Variants in ARHGEF40 observed in about 807,000 individuals in gnomAD.
ARHGEF40 encodes the protein Rho guanine nucleotide exchange factor (GEF) 40.
A neutral mutation model predicts 165.9 loss-of-function variants in ARHGEF40; 98 were observed. The observed-to-expected ratio is 0.59, with a 90% CI of 0.50 to 0.70. ARHGEF40 has a LOEUF of 0.70. ARHGEF40 is among the 30% of genes least tolerant of loss of function. The probability of loss-of-function intolerance (pLI) is 0.00; values close to 1 mark genes in which losing one functional copy is unlikely to be tolerated. For synonymous variants in ARHGEF40, 792 were observed against 814.3 expected (o/e 0.97, Z 0.47); for missense variants, 1,815 against 1,968.0 (o/e 0.92, Z 1.47).
chr14:21,062,400 C>G, the ARHGEF40 span, among the ~76,000 whole-genome samples: 1 of 152,178 alleles, frequency 6.6e-6, no homozygotes, highest in Non-Finnish European at 1.5e-5. Context: ...GAACCTGGAC[C>G]TCTGTCTCTC....
At position 21,072,162 on chromosome 14, in the gene ARHGEF40, G is replaced by C. The variant is rs1886989086; in HGVS notation, c.4-883G>C. 1.3e-5 allele frequency among the ~76,000 whole-genome samples: 2 copies of C among 152,196 alleles called. No individual in the cohort carries two copies. The highest frequency in any genetic ancestry group is 2.9e-5 in the Non-Finnish European group (2 of 68,038). Reference sequence around the variant, plus strand: ...GGGTGGTTGTTTAGGTTAGGAGTTGGAGAAAGACGTCTCATTGACTCACTT... The same window carrying C: ...GGGTGGTTGTTTAGGTTAGGAGTTGCAGAAAGACGTCTCATTGACTCACTT... On this transcript the variant is annotated intron_variant, in intron 1 of 23. Coordinates refer to ENST00000298694, the MANE Select transcript of ARHGEF40 (RefSeq NM_018071.5). The surrounding 1 kb of genome is among the most constrained non-coding windows in gnomAD (Gnocchi z 4.1).
In ARHGEF40 at chr14:21,073,937, A is replaced by G. The variant is rs375010957; in HGVS notation, c.207A>G (p.Gln69=). The change falls in exon 3 of 24, where the codon CAA becomes CAG. Residue 69 remains glutamine, a synonymous_variant. Coordinates refer to ENST00000298694, the MANE Select transcript of ARHGEF40 (RefSeq NM_018071.5). The surrounding 1 kb of genome is among the most constrained non-coding windows in gnomAD (Gnocchi z 4.6). ...CCTCCCACCTCTCTCCCCAGGCCCA[A>G]TACAGTGGATTCCTCTTCTTCCATG... is the stretch of plus-strand genomic sequence containing the variant. ...LAKVQQEACA[Q]YSGFLFFHEG... is the part of the protein sequence containing the mutation. The G allele has an allele frequency of 3.1e-6, 5 of 1,598,528 alleles. No homozygotes were observed. Among genetic ancestry groups the G allele is most frequent in the African/African-American group, 2.7e-5 (2 of 74,656 alleles).
intron 13 of ARHGEF40, 71 bp downstream of exon 13, chr14:21,081,087 C>T: frequency 1.9e-6 from 3 of 1,539,820 alleles, no homozygotes; most frequent in Non-Finnish European, 2.6e-6. Flanking sequence ...CCTGGAGAGG[C>T]TAATCAAGTT....
chr14:21,076,853 G>A lies in ARHGEF40; in HGVS notation c.1997G>A (p.Arg666Lys), dbSNP rs1838984671. 6.2e-7 allele frequency: 1 copy of A among 1,613,678 alleles called. No homozygotes were observed. Among genetic ancestry groups the A allele is most frequent in the Non-Finnish European group, 8.5e-7 (1 of 1,179,996 alleles). Residue 666 changes from arginine to lysine, a missense_variant, in exon 8 of 24, where the codon AGG (arginine) becomes AAG (lysine). Transcript: ENST00000298694. The part of the protein sequence containing the change: ...EELQWELGGH[R>K]DPSPSHWVEI... ...CTGCAGTGGGAGTTAGGAGGTCACA[G>A]GGACCCCTCTCCCAGTCACTGGGTA...
chr14:21,087,384 CCTTTCGCCGG>C lies in ARHGEF40; in HGVS notation c.4309_4318del (p.Leu1437GlufsTer62), dbSNP rs771729016. 5 of 1,603,864 alleles carry C rather than the reference CCTTTCGCCGG, an allele frequency of 3.1e-6. No individual in the cohort carries two copies. Among genetic ancestry groups the C allele is most frequent in the Non-Finnish European group, 4.2e-6 (5 of 1,179,872 alleles). On this transcript the variant is annotated frameshift_variant, in exon 21 of 24. Coordinates refer to ENST00000298694, the MANE Select transcript of ARHGEF40 (RefSeq NM_018071.5). LOFTEE classifies it high-confidence loss of function. ...AGCATGCCGGCCCCTCCCTTCCCGG[CCTTTCGCCGG>C]GAGCCTGCTCCCTGCCTGCCCGCGT...
Position 21,087,021 on chromosome 14 carries a change from G to A in ARHGEF40, c.4159G>A (p.Val1387Met), listed in dbSNP as rs775174092. Residue 1387 changes from valine to methionine, a missense_variant, in exon 20 of 24, where the codon GTG becomes ATG. By Grantham distance (21) the Val-to-Met change is conservative. Transcript: ENST00000298694. ...CCCAGAGCTCCGAGTGCAGCAGATG[G>A]TGTCCATGGGCATTGGGAATAAACC... ...HNKELRVQQM[V>M]SMGIGNKPFL... 2.2e-5 allele frequency: 36 copies of A among 1,601,702 alleles called. 1 individual carries two copies. The South Asian group carries it at 3.9e-4, about 18-fold the overall frequency.
At position 21,073,886 on chromosome 14, in the gene ARHGEF40, T is replaced by G; in HGVS notation, c.202-46T>G. The G allele has an allele frequency of 6.4e-7, 1 of 1,550,746 alleles. No individual in the cohort carries two copies. The highest frequency in any genetic ancestry group is 8.7e-7 in the Non-Finnish European group (1 of 1,152,892). ...CATTCTAACTGCCCTCTCCTGCTGG[T>G]TTCTTCAGCAGAGGCCTGAGTGCAG... On this transcript the variant is annotated intron_variant, in intron 2 of 23. Transcript: ENST00000298694. The surrounding 1 kb of genome is among the most constrained non-coding windows in gnomAD (Gnocchi z 4.6).
rs780384623 is a variant in ARHGEF40 at position 21,081,545 on chromosome 14, G to A, written c.2677G>A (p.Ala893Thr). 6.2e-7 allele frequency: 1 copy of A among 1,613,102 alleles called. No homozygotes were observed. The highest frequency in any genetic ancestry group is 2.2e-5 in the East Asian group (1 of 44,888). The part of the protein sequence containing the change: ...EWVDEGFARL[A>T]GAGPGREAVL... Reference sequence around the variant, plus strand: ...GGTGGATGAGGGCTTTGCTCGGCTGGCAGGAGCTGGGCCGGGTCGGGAGGC... The same window carrying A: ...GGTGGATGAGGGCTTTGCTCGGCTGACAGGAGCTGGGCCGGGTCGGGAGGC... Residue 893 changes from alanine (A) to threonine (T), a missense_variant, in exon 14 of 24, where the codon GCA becomes ACA. Coordinates refer to ENST00000298694, the MANE Select transcript of ARHGEF40 (RefSeq NM_018071.5).
At chr14:21,069,002 G>C (rs1438600333), upstream of ARHGEF40, among the ~76,000 whole-genome samples, 1 of 152,254 alleles carries the variant, frequency 6.6e-6, no homozygotes, top group African/African-American at 2.4e-5. Flanking sequence ...GGCGAGGCCA[G>C]ACGTTTTCTC....
chr14:21,072,854 G>T lies in ARHGEF40; in HGVS notation c.4-191G>T, dbSNP rs984175842. ...AGCGGGAGTGTTGAGCGCCCTGCCAGGTTTGTGCACTCTGGCCCAGCCCCA... is the reference window on the plus strand; with the variant it reads ...AGCGGGAGTGTTGAGCGCCCTGCCATGTTTGTGCACTCTGGCCCAGCCCCA... On this transcript the variant is annotated intron_variant, in intron 1 of 23. Coordinates refer to ENST00000298694, the MANE Select transcript of ARHGEF40 (RefSeq NM_018071.5). This position sits in a 1 kb window ranked among gnomAD's most constrained non-coding sequence, Gnocchi z 4.1. 6.6e-6 allele frequency among the ~76,000 whole-genome samples: 1 copy of T among 152,218 alleles called. No homozygotes were observed.
chr14:21,081,698 C>G lies in ARHGEF40; in HGVS notation c.2830C>G (p.Arg944Gly). ...ALREWGRCQARCQELERRIQQ... is the reference protein window; with the variant it reads ...ALREWGRCQAGCQELERRIQQ... Reference sequence around the variant, plus strand: ...GCGAGAATGGGGCCGCTGCCAGGCCCGCTGCCAAGAGCTAGAGAGGAGGAT... The same window carrying G: ...GCGAGAATGGGGCCGCTGCCAGGCCGGCTGCCAAGAGCTAGAGAGGAGGAT... The change falls in exon 14 of 24, where the codon CGC (arginine) becomes GGC (glycine). Residue 944 changes from arginine to glycine, a missense_variant. By Grantham distance (125) the Arg-to-Gly change is moderately radical (BLOSUM62 -2). Transcript: ENST00000298694. The G allele has an allele frequency of 6.3e-7, 1 of 1,582,348 alleles. No individual in the cohort carries two copies. Among genetic ancestry groups the G allele is most frequent in the Non-Finnish European group, 8.6e-7 (1 of 1,164,606 alleles).
intron 8 of ARHGEF40, 152 bp downstream of exon 8, chr14:21,077,042 A>G (rs1247403038): frequency 4.9e-6 from 3 of 615,408 alleles, no homozygotes; most frequent in African/African-American, 3.7e-5. Context: ...ATGGCTCCCA[A>G]ATCATGAGGA....
At position 21,088,033 on chromosome 14, in the gene ARHGEF40, C is replaced by T. The variant is rs774587341; in HGVS notation, c.4453C>T (p.Pro1485Ser). The T allele has an allele frequency of 1.9e-6, 3 of 1,613,424 alleles. No homozygotes were observed. Among genetic ancestry groups the T allele is most frequent in the Non-Finnish European group, 2.5e-6 (3 of 1,179,736 alleles). Residue 1485 changes from proline (P) to serine (S), a missense_variant, in exon 22 of 24, where the codon CCC (proline) becomes TCC (serine). Physicochemically the swap from Pro to Ser is moderately conservative, Grantham distance 74. Coordinates refer to ENST00000298694, the MANE Select transcript of ARHGEF40 (RefSeq NM_018071.5). ...PGPRNSPSLQ[P>S]PHPGSSTPTL... ...ACCAAGAAACAGCCCCAGCCTGCAA[C>T]CCCCCCACCCTGGGAGCAGCACTCC...
upstream of ARHGEF40, among the ~76,000 whole-genome samples, chr14:21,067,761 T>TACACACACACAC: frequency 6.7e-6 from 1 of 150,126 alleles, no homozygotes; most frequent in South Asian, 2.1e-4. Context: ...TGTACACACG[T>TACACACACACAC]ACACACACAC....
Position 21,074,263 on chromosome 14 carries a change from G to C in ARHGEF40, c.533G>C (p.Trp178Ser). The stretch of plus-strand genomic sequence containing the variant: ...CCCTCTGGGATTCAGCGGCTGCCCT[G>C]GGCTGAGCTCATCTGTCCACGATTT... Reference protein sequence around the residue: ...SAPSGIQRLPWAELICPRFVH... With the variant: ...SAPSGIQRLPSAELICPRFVH... Residue 178 changes from tryptophan to serine, a missense_variant, in exon 3 of 24, where the codon TGG (tryptophan) becomes TCG (serine). By Grantham distance (177) the Trp-to-Ser change is radical. Coordinates refer to ENST00000298694, the MANE Select transcript of ARHGEF40 (RefSeq NM_018071.5). This position sits in a 1 kb window ranked among gnomAD's most constrained non-coding sequence, Gnocchi z 4.8. 1.2e-6 allele frequency: 2 copies of C among 1,614,116 alleles called. No individual in the cohort carries two copies. The highest frequency in any genetic ancestry group is 1.7e-6 in the Non-Finnish European group (2 of 1,180,020).
intron 11 of ARHGEF40, 37 bp from the exon 12 acceptor site, chr14:21,080,623 T>C: frequency 6.3e-7 from 1 of 1,590,174 alleles, no homozygotes; most frequent in Non-Finnish European, 8.6e-7. Flanking sequence ...GCCTTTCCAC[T>C]CCATGACCCC....
In ARHGEF40 at chr14:21,073,172, C is replaced by T; in HGVS notation, c.131C>T (p.Ala44Val). Reference protein sequence around the residue: ...QVVERTYREDALRYTLDFLVP... With the variant: ...QVVERTYREDVLRYTLDFLVP... ...GTGGAGAGGACTTATCGGGAGGACG[C>T]ACTGAGGTACACGCTGGACTTCCTG... The change falls in exon 2 of 24, where the codon GCA (alanine) becomes GTA (valine). Residue 44 changes from alanine to valine, a missense_variant. Physicochemically the swap from Ala to Val is moderately conservative, Grantham distance 64. Coordinates refer to ENST00000298694, the MANE Select transcript of ARHGEF40 (RefSeq NM_018071.5). The surrounding 1 kb of genome is among the most constrained non-coding windows in gnomAD (Gnocchi z 4.6). 1 of 1,614,094 alleles carries T rather than the reference C, an allele frequency of 6.2e-7. No homozygotes were observed. The highest frequency in any genetic ancestry group is 8.5e-7 in the Non-Finnish European group (1 of 1,180,002).
chr14:21,067,458 T>TA (rs1886328951), upstream of ARHGEF40, among the ~76,000 whole-genome samples: 2 of 152,162 alleles, frequency 1.3e-5, no homozygotes, highest in Non-Finnish European at 2.9e-5. Context: ...CCCTATAACT[T>TA]ACTGGTTGCG....
Position 21,070,543 on chromosome 14 carries a change from C to A in ARHGEF40, c.3+144C>A. ...ACTCTCCTCCCTCCCATCCCCCCTT[C>A]TTCGATTTGTCTGTCTGCCCGACTG... On this transcript the variant is annotated intron_variant, in intron 1 of 23. Transcript: ENST00000298694. The surrounding 1 kb of genome is among the most constrained non-coding windows in gnomAD (Gnocchi z 4.7). The A allele has an allele frequency of 2.8e-6, 3 of 1,060,196 alleles. No individual in the cohort carries two copies. The South Asian group carries it at 6.1e-5, about 22-fold the overall frequency. 65.7% of individuals were successfully genotyped at this position (1,060,196 alleles called of 1,614,324 possible).
Sources: allele counts gnomAD v4.1 joint callset (sites outside exome capture counted in the v4.1 genomes callset), GRCh38; gene constraint gnomAD v4.1.1; non-coding constraint Gnocchi (gnomAD v3.1); transcripts MANE v1.5; gene names NCBI Gene and HGNC (gene_info 2026-07-23, HGNC 2026-07-21).